CTNNA3: variants seen among roughly 807,000 people sequenced by gnomAD.
CTNNA3 encodes the protein catenin alpha-3.
In CTNNA3, 76 loss-of-function variants were observed where a neutral mutation model predicts 95.7. That is an observed-to-expected ratio of 0.79 (90% CI 0.66 to 0.96). The LOEUF (loss-of-function observed/expected upper bound fraction) is 0.96, where lower values mean the gene tolerates loss of function less well. Among genes scored for constraint, CTNNA3 ranks in the 40% least tolerant of loss-of-function variants. The pLI, the probability that CTNNA3 is intolerant of heterozygous loss-of-function variation, is 0.00. For missense variants in CTNNA3, 1,191 were observed against 1,089.8 expected (o/e 1.09, Z -1.31); for synonymous variants, 431 against 374.4 (o/e 1.15, Z -1.74).
intron 12 of CTNNA3, among the ~76,000 whole-genome samples, chr10:66,342,361 A>G (rs1327041443): frequency 1.3e-5 from 2 of 152,072 alleles, no homozygotes; most frequent in African/African-American, 4.8e-5. Context: ...CATGAAAAAT[A>G]CATCCATTTA....
chr10:66,477,572 A>C (rs536628030), intron 11 of CTNNA3, among the ~76,000 whole-genome samples: 18 of 152,198 alleles, frequency 1.2e-4, no homozygotes, highest in Admixed American at 8.5e-4. Context: ...ACAGAAACAC[A>C]TATCGTATTG....
chr10:67,680,057 AT>A (rs1416349859), intron 1 of CTNNA3, among the ~76,000 whole-genome samples: 1 of 152,234 alleles, frequency 6.6e-6, no homozygotes, highest in Non-Finnish European at 1.5e-5. Context: ...GCCTTAAAAA[AT>A]ATATAGAATC....
intron 3 of CTNNA3, among the ~76,000 whole-genome samples, chr10:67,598,683 G>C (rs1268890343): frequency 6.6e-6 from 1 of 152,120 alleles, no homozygotes; most frequent in Non-Finnish European, 1.5e-5. Flanking sequence ...CGTAGTGGTT[G>C]AGAGTTACAT....
intron 5 of CTNNA3, among the ~76,000 whole-genome samples, chr10:67,310,445 G>A (rs574928684): frequency 1.2e-4 from 18 of 152,202 alleles, no homozygotes; most frequent in East Asian, 1.9e-4. Context: ...TATTAAATTT[G>A]TAAGAGGAAA....
At chr10:67,405,237 G>A (rs1428465425) in intron 5 of CTNNA3, among the ~76,000 whole-genome samples, 1 of 151,984 alleles carries the variant, frequency 6.6e-6, no homozygotes, top group Non-Finnish European at 1.5e-5. Flanking sequence ...CCAATTAAAA[G>A]ACACAGAGTA....
chr10:66,058,610 G>C (rs2080132287), intron 15 of CTNNA3, among the ~76,000 whole-genome samples: 1 of 152,134 alleles, frequency 6.6e-6, no homozygotes, highest in Admixed American at 6.6e-5. Flanking sequence ...AAAGCTGAGA[G>C]CTCAGTGCTT....
chr10:66,336,072 C>A (rs2092391870), intron 12 of CTNNA3, among the ~76,000 whole-genome samples: 1 of 152,100 alleles, frequency 6.6e-6, no homozygotes, highest in African/African-American at 2.4e-5. Flanking sequence ...TTGCTAAGAC[C>A]ATTGGAAAAG....
At chr10:66,283,980 G>C (rs1186609989) in intron 12 of CTNNA3, among the ~76,000 whole-genome samples, 1 of 151,828 alleles carries the variant, frequency 6.6e-6, no homozygotes. Context: ...ATACAATCAT[G>C]CTATAGAATT....
intron 14 of CTNNA3, among the ~76,000 whole-genome samples, chr10:66,081,568 G>A (rs1040323384): frequency 1.3e-5 from 2 of 152,004 alleles, no homozygotes; most frequent in African/African-American, 2.4e-5. Flanking sequence ...GTGAAATAAG[G>A]TTAAACTCCA....
intron 3 of CTNNA3, among the ~76,000 whole-genome samples, chr10:67,548,850 C>A (rs530483906): frequency 1.3e-5 from 2 of 150,680 alleles, no homozygotes; most frequent in East Asian, 1.9e-4. Flanking sequence ...TGTTTGTAAA[C>A]CCTATATCCA....
intron 16 of CTNNA3, among the ~76,000 whole-genome samples, chr10:65,982,671 A>ATG (rs897520669): frequency 6.7e-6 from 1 of 150,254 alleles, no homozygotes; most frequent in African/African-American, 2.4e-5. Flanking sequence ...TGTGGTATAT[A>ATG]TGTGTGTGTG....
chr10:67,262,503 G>A (rs1435387275), intron 5 of CTNNA3, among the ~76,000 whole-genome samples: 1 of 152,094 alleles, frequency 6.6e-6, no homozygotes, highest in Non-Finnish European at 1.5e-5. Flanking sequence ...ACCCCAGGAT[G>A]GAATACTAAA....
chr10:66,621,146 AAG>A (rs1844731813), intron 10 of CTNNA3, among the ~76,000 whole-genome samples: 1 of 152,194 alleles, frequency 6.6e-6, no homozygotes, highest in African/African-American at 2.4e-5. Flanking sequence ...AAAAGAAAAA[AAG>A]AGTCAATTCT....
intron 11 of CTNNA3, among the ~76,000 whole-genome samples, chr10:66,430,687 A>G (rs2093286544): frequency 6.6e-6 from 1 of 152,194 alleles, no homozygotes; most frequent in Admixed American, 6.5e-5. Flanking sequence ...TGCTGGGAAA[A>G]CTGGCTAGCC....
intron 17 of CTNNA3, among the ~76,000 whole-genome samples, chr10:65,955,334 C>T (rs2077706534): frequency 1.3e-5 from 2 of 152,270 alleles, no homozygotes; most frequent in Admixed American, 6.5e-5. Context: ...CATCTGCAAA[C>T]AGGGACAATT....
Position 66,132,988 on chromosome 10 carries a change from C to G in CTNNA3, c.1885-29739G>C, listed in dbSNP as rs1343275946. On this transcript the variant is annotated intron_variant, in intron 13 of 17. Transcript: ENST00000433211. The stretch of plus-strand genomic sequence containing the variant: ...CTGGGTGATGAAATAATCTGTACAG[C>G]AAACCCCCGTGACACAGGTTTACCT... Among the ~76,000 whole-genome samples, 3 of 152,004 alleles carry G rather than the reference C, an allele frequency of 2.0e-5. No individual in the cohort carries two copies. In the East Asian group the frequency reaches 5.8e-4, roughly 29 times the overall value.
At chr10:66,197,805 A>G (rs2087061719) in intron 13 of CTNNA3, among the ~76,000 whole-genome samples, 3 of 152,172 alleles carry the variant, frequency 2.0e-5, no homozygotes, top group African/African-American at 7.2e-5. Context: ...TCTTCCTAAG[A>G]CAAACACCAG....
chr10:66,094,512 T>C (rs1290417280), intron 14 of CTNNA3, among the ~76,000 whole-genome samples: 2 of 152,064 alleles, frequency 1.3e-5, no homozygotes, highest in Non-Finnish European at 2.9e-5. Context: ...TGCAGAAATC[T>C]AGGTGAGAGG....
chr10:67,496,835 CACTT>C (rs1334901476), intron 5 of CTNNA3, among the ~76,000 whole-genome samples: 1 of 152,040 alleles, frequency 6.6e-6, no homozygotes, highest in African/African-American at 2.4e-5. Context: ...CAATGATAAA[CACTT>C]ACTGTTTTCA....
Sources: gnomAD v4.1 joint callset for allele counts (sites outside exome capture counted in the v4.1 genomes callset) on GRCh38, gnomAD v4.1.1 for gene constraint, MANE v1.5 for transcripts, NCBI Gene and HGNC (gene_info 2026-07-23, HGNC 2026-07-21) for gene names.